The following SUMF1 variants were observed in gnomAD, a reference collection of about 807,000 sequenced individuals.
SUMF1 encodes the protein formylglycine-generating enzyme.
SUMF1 carries 48 observed loss-of-function variants against 47.6 expected under a neutral mutation model. The ratio of observed to expected loss-of-function variants is 1.01; its 90% CI spans 0.80 to 1.28. The LOEUF (loss-of-function observed/expected upper bound fraction) is 1.28, where lower values mean the gene tolerates loss of function less well. Ranked by LOEUF, SUMF1 falls within the 50% of genes most tolerant of loss-of-function variation. SUMF1 has a pLI of 0.00. For synonymous variants in SUMF1, 230 were observed against 192.1 expected (o/e 1.20, Z -1.63); for missense variants, 571 against 485.4 (o/e 1.18, Z -1.66).
At chr3:4,196,444 T>A (rs1695431714) in intron 8 of SUMF1, among the ~76,000 whole-genome samples, 1 of 152,062 alleles carries the variant, frequency 6.6e-6, no homozygotes, top group South Asian at 2.1e-4. Flanking sequence ...GCACTGCAAT[T>A]TTCTGGAAGG....
chr3:4,173,581 T>A (rs1029931009), intron 8 of SUMF1, among the ~76,000 whole-genome samples: 1 of 152,200 alleles, frequency 6.6e-6, no homozygotes, highest in African/African-American at 2.4e-5. Context: ...TATGCATACG[T>A]ATGTTTATTG....
At chr3:4,374,534 T>G (rs1700264717) in intron 8 of SUMF1, among the ~76,000 whole-genome samples, 1 of 152,190 alleles carries the variant, frequency 6.6e-6, no homozygotes, top group African/African-American at 2.4e-5. Context: ...TTTACTTGCT[T>G]AAAATGTTTT....
At chr3:4,156,483 C>T (rs1303321450) in intron 8 of SUMF1, among the ~76,000 whole-genome samples, 1 of 151,602 alleles carries the variant, frequency 6.6e-6, no homozygotes, top group Non-Finnish European at 1.5e-5. Flanking sequence ...CAATACAGTT[C>T]TTCCTACACA....
chr3:4,276,818 A>C (rs955327675), intron 8 of SUMF1, among the ~76,000 whole-genome samples: 1 of 152,088 alleles, frequency 6.6e-6, no homozygotes, highest in African/African-American at 2.4e-5. Flanking sequence ...CATACTGTGC[A>C]TTTTATTATT....
intron 9 of SUMF1, among the ~76,000 whole-genome samples, chr3:4,038,717 T>C (rs905844739): frequency 2.0e-5 from 3 of 152,242 alleles, no homozygotes; most frequent in African/African-American, 7.2e-5. Context: ...TTCCCCAGAC[T>C]GAGGGCAGCA....
Position 4,361,600 on chromosome 3 carries a change from G to C in SUMF1, c.*544C>G, listed in dbSNP as rs1699759292. 6.2e-6 allele frequency: 1 copy of C among 161,106 alleles called. No homozygotes were observed. The highest frequency in any genetic ancestry group is 2.4e-5 in the African/African-American group (1 of 41,524). The allele number at this position is 161,106 out of a possible 1,614,324, so 10.0% of individuals were successfully genotyped here. On this transcript the variant is annotated 3_prime_UTR_variant, in exon 9 of 9. Transcript: ENST00000272902. The stretch of plus-strand genomic sequence containing the variant: ...CCCCTCTTCCGAAAATAATACATAA[G>C]AGAACTCTTACTTTACATGATTAGT...
At chr3:4,335,191 T>A (rs1699121053) in intron 8 of SUMF1, among the ~76,000 whole-genome samples, 1 of 152,132 alleles carries the variant, frequency 6.6e-6, no homozygotes, top group Admixed American at 6.5e-5. Flanking sequence ...AGCCTAGCCA[T>A]CCTCCCACCC....
chr3:4,342,103 C>A (rs1699284176), intron 8 of SUMF1, among the ~76,000 whole-genome samples: 1 of 152,194 alleles, frequency 6.6e-6, no homozygotes, highest in South Asian at 2.1e-4. Flanking sequence ...ATCTAGCAGG[C>A]TAACTTTAGG....
intron 8 of SUMF1, among the ~76,000 whole-genome samples, chr3:4,282,138 T>G (rs948489878): frequency 7.2e-5 from 11 of 152,300 alleles, no homozygotes; most frequent in African/African-American, 2.6e-4. Flanking sequence ...AAAAGACAGT[T>G]AAATCCAGTA....
intron 8 of SUMF1, among the ~76,000 whole-genome samples, chr3:4,344,763 T>A (rs925107423): frequency 1.3e-5 from 2 of 151,958 alleles, no homozygotes; most frequent in African/African-American, 4.8e-5. Context: ...TCTAACCCAA[T>A]GCAAAGAAGC....
At chr3:4,168,293 T>C (rs1694756520) in intron 8 of SUMF1, among the ~76,000 whole-genome samples, 1 of 152,154 alleles carries the variant, frequency 6.6e-6, no homozygotes, top group South Asian at 2.1e-4. Flanking sequence ...TATGCAAAAT[T>C]TCAATTTAAT....
chr3:4,132,888 G>C (rs1280678520), intron 8 of SUMF1, among the ~76,000 whole-genome samples: 1 of 152,080 alleles, frequency 6.6e-6, no homozygotes, highest in East Asian at 1.9e-4. Context: ...ACCATGCCCT[G>C]TGATTAAGGT....
chr3:4,451,661 G>A (rs1702972698), intron 2 of SUMF1, among the ~76,000 whole-genome samples: 1 of 152,160 alleles, frequency 6.6e-6, no homozygotes, highest in Non-Finnish European at 1.5e-5. Flanking sequence ...AAGGACTTCT[G>A]CTTATTACGA....
rs1016062023 is a variant in SUMF1 at position 4,438,134 on chromosome 3, C to T, written c.519+11132G>A. On this transcript the variant is annotated intron_variant, in intron 3 of 8. Coordinates refer to ENST00000272902, the MANE Select transcript of SUMF1 (RefSeq NM_182760.4). The stretch of plus-strand genomic sequence containing the variant: ...ATGTTCAATTCAATGGTAAGACATG[C>T]TTTTCTTACTATTTTAATTATTTCA... Among the ~76,000 whole-genome samples the T allele has an allele frequency of 4.6e-5, 7 of 151,696 alleles. No individual in the cohort carries two copies. The East Asian group carries it at 1.3e-3, about 29-fold the overall frequency.
intron 6 of SUMF1, among the ~76,000 whole-genome samples, chr3:4,411,492 G>T (rs976801756): frequency 1.3e-5 from 2 of 152,058 alleles, no homozygotes; most frequent in Admixed American, 1.3e-4. Context: ...AACTTAAGGG[G>T]ATTTCTTTTT....
intron 8 of SUMF1, among the ~76,000 whole-genome samples, chr3:4,346,126 G>A (rs562997768): frequency 1.3e-5 from 2 of 152,210 alleles, no homozygotes; most frequent in East Asian, 1.9e-4. Context: ...CAACAAGACA[G>A]AAGATTAACA....
chr3:4,374,541 T>G (rs1021945157), intron 8 of SUMF1, among the ~76,000 whole-genome samples: 2 of 152,024 alleles, frequency 1.3e-5, no homozygotes, highest in African/African-American at 4.8e-5. Context: ...GCTTAAAATG[T>G]TTTTTACAAG....
At chr3:4,281,175 T>C (rs1159072876) in intron 8 of SUMF1, among the ~76,000 whole-genome samples, 1 of 152,086 alleles carries the variant, frequency 6.6e-6, no homozygotes, top group African/African-American at 2.4e-5. Flanking sequence ...GAGTATAACA[T>C]GCCCTTTGAC....
chr3:4,344,175 C>T (rs190154831), intron 8 of SUMF1, among the ~76,000 whole-genome samples: 4 of 152,168 alleles, frequency 2.6e-5, no homozygotes, highest in African/African-American at 4.8e-5. Flanking sequence ...TCCAGGTTCT[C>T]TCATCAAAAT....
Sources: allele counts gnomAD v4.1 joint callset (sites outside exome capture counted in the v4.1 genomes callset), GRCh38; gene constraint gnomAD v4.1.1; transcripts MANE v1.5; gene names NCBI Gene and HGNC (gene_info 2026-07-23, HGNC 2026-07-21).